KIRREL3: variants seen among roughly 807,000 people sequenced by gnomAD.
The protein encoded by KIRREL3 is kirre like nephrin family adhesion molecule 3, also known as kin of IRRE-like protein 3.
In KIRREL3, 36 loss-of-function variants were observed where a neutral mutation model predicts 89.7. The ratio of observed to expected loss-of-function variants is 0.40; its 90% CI spans 0.31 to 0.53. The LOEUF is 0.53. Among genes scored for constraint, KIRREL3 ranks in the 20% least tolerant of loss-of-function variants. KIRREL3 has a pLI of 0.49. For synonymous variants in KIRREL3, 445 were observed against 441.4 expected (o/e 1.01, Z -0.10); for missense variants, 864 against 1,056.6 (o/e 0.82, Z 2.53).
At chr11:126,967,333 T>C (rs1949300474) in intron 1 of KIRREL3, among the ~76,000 whole-genome samples, 1 of 152,120 alleles carries the variant, frequency 6.6e-6, no homozygotes, top group Admixed American at 6.5e-5. Flanking sequence ...CCTGGAACCT[T>C]AGAGAACAGG....
At position 126,527,878 on chromosome 11, in the gene KIRREL3, T is replaced by C. The variant is rs1359578617; in HGVS notation, c.134-1191A>G. Among the ~76,000 whole-genome samples, 1 of 152,142 alleles carries C rather than the reference T, an allele frequency of 6.6e-6. No homozygotes were observed. Among genetic ancestry groups the C allele is most frequent in the African/African-American group, 2.4e-5 (1 of 41,408 alleles). ...GGAGGGAGTTGCTGATGAAGAGGTG[T>C]GATGTGATCTGTGTCTCCTGGGAGT... On this transcript the variant is annotated intron_variant, in intron 2 of 16. Coordinates refer to ENST00000525144, the MANE Select transcript of KIRREL3 (RefSeq NM_032531.4). This position sits in a 1 kb window ranked among gnomAD's most constrained non-coding sequence, Gnocchi z 4.2.
At chr11:126,777,108 C>T (rs1461016250) in intron 1 of KIRREL3, among the ~76,000 whole-genome samples, 1 of 152,162 alleles carries the variant, frequency 6.6e-6, no homozygotes, top group African/African-American at 2.4e-5. Context: ...AAACTGGACC[C>T]ATCTTGCACA....
In KIRREL3 at chr11:126,601,687, C is replaced by T. The variant is rs1942661854; in HGVS notation, c.56-38775G>A. 6.6e-6 allele frequency among the ~76,000 whole-genome samples: 1 copy of T among 152,162 alleles called. No individual in the cohort carries two copies. Among genetic ancestry groups the T allele is most frequent in the Admixed American group, 6.5e-5 (1 of 15,286 alleles). ...GGCCCCCTCTGCCCACTTGCCGCCCCTCCTCCATTCTTCTCATGCATCCTG... is the reference window on the plus strand; with the variant it reads ...GGCCCCCTCTGCCCACTTGCCGCCCTTCCTCCATTCTTCTCATGCATCCTG... On this transcript the variant is annotated intron_variant, in intron 1 of 16. Transcript: ENST00000525144. This position sits in a 1 kb window ranked among gnomAD's most constrained non-coding sequence, Gnocchi z 5.8.
intron 2 of KIRREL3, among the ~76,000 whole-genome samples, chr11:126,539,715 G>C (rs1336938015): frequency 6.6e-6 from 1 of 152,140 alleles, no homozygotes; most frequent in Non-Finnish European, 1.5e-5. Flanking sequence ...GATGGAGAGG[G>C]GTCCAGAATC....
intron 4 of KIRREL3, among the ~76,000 whole-genome samples, chr11:126,497,305 C>T (rs766991050): frequency 5.3e-5 from 8 of 151,522 alleles, no homozygotes; most frequent in South Asian, 2.1e-4. Flanking sequence ...AGAGAGAGAG[C>T]GAGAGAGAGT....
rs1194223314 is a variant in KIRREL3, at chr11:126,490,005, GA to G, written c.434-16540del. ...TGGGGAAAATGAGACGTGTTGCTTG[GA>G]AGCAGCCCATGAGCTGCTTCGAGGA... On this transcript the variant is annotated intron_variant, in intron 4 of 16. Transcript: ENST00000525144. This position sits in a 1 kb window ranked among gnomAD's most constrained non-coding sequence, Gnocchi z 4.2. Among the ~76,000 whole-genome samples, 2 of 152,132 alleles carry G rather than the reference GA, an allele frequency of 1.3e-5. No individual in the cohort carries two copies. Among genetic ancestry groups the G allele is most frequent in the African/African-American group, 2.4e-5 (1 of 41,442 alleles).
At chr11:126,616,989 T>C (rs375618732) in intron 1 of KIRREL3, among the ~76,000 whole-genome samples, 157 of 152,350 alleles carry the variant, frequency 1.0e-3, no homozygotes, top group African/African-American at 3.7e-3. Flanking sequence ...CAGAGAGTCT[T>C]ACTTAAACAT....
chr11:126,433,557 G>A (rs1460428871), intron 13 of KIRREL3, among the ~76,000 whole-genome samples: 1 of 152,216 alleles, frequency 6.6e-6, no homozygotes, highest in Non-Finnish European at 1.5e-5. Flanking sequence ...GACAGGGAGG[G>A]GACCAAGAGG....
chr11:126,742,556 C>T lies in KIRREL3; in HGVS notation c.56-179644G>A, dbSNP rs1362522965. ...AAGAACAAGAGATTTTCCCATAAAG[C>T]TCCCCTCACCATGGGCATGAGGAAA... is the stretch of plus-strand genomic sequence containing the variant. On this transcript the variant is annotated intron_variant, in intron 1 of 16. Coordinates refer to ENST00000525144, the MANE Select transcript of KIRREL3 (RefSeq NM_032531.4). The surrounding 1 kb of genome is among the most constrained non-coding windows in gnomAD (Gnocchi z 5.3). 6.6e-6 allele frequency among the ~76,000 whole-genome samples: 1 copy of T among 152,194 alleles called. No individual in the cohort carries two copies. The highest frequency in any genetic ancestry group is 1.9e-4 in the East Asian group (1 of 5,198).
intron 2 of KIRREL3, among the ~76,000 whole-genome samples, chr11:126,548,660 C>T (rs963759876): frequency 4.6e-5 from 7 of 152,224 alleles, no homozygotes; most frequent in South Asian, 2.1e-4. Context: ...ACTACACTAG[C>T]GCTCTTGCTT....
intron 1 of KIRREL3, among the ~76,000 whole-genome samples, chr11:126,831,684 A>C (rs1228191753): frequency 6.6e-5 from 10 of 152,226 alleles, no homozygotes; most frequent in Non-Finnish European, 1.3e-4. Flanking sequence ...GGGGTCACTT[A>C]CAACAGAAAA....
chr11:126,633,568 A>T (rs895396023), intron 1 of KIRREL3, among the ~76,000 whole-genome samples: 9 of 152,014 alleles, frequency 5.9e-5, no homozygotes, highest in African/African-American at 2.2e-4. Context: ...TTGCTCTGTG[A>T]TCTGCACATC....
At chr11:126,815,009 TTTAGAGGA>T (rs1448033227) in intron 1 of KIRREL3, among the ~76,000 whole-genome samples, 3 of 152,140 alleles carry the variant, frequency 2.0e-5, no homozygotes, top group African/African-American at 7.2e-5. Flanking sequence ...GTACCCTAAA[TTTAGAGGA>T]TTCATCATTG....
chr11:126,989,875 T>C lies in KIRREL3; in HGVS notation c.55+10580A>G, dbSNP rs552381499. ...GTGGTGGTTTTTTATAATGGTGTTGTTGGAAATTAGTAATACCATCCAGAG... is the reference window on the plus strand; with the variant it reads ...GTGGTGGTTTTTTATAATGGTGTTGCTGGAAATTAGTAATACCATCCAGAG... On this transcript the variant is annotated intron_variant, in intron 1 of 16. Coordinates refer to ENST00000525144, the MANE Select transcript of KIRREL3 (RefSeq NM_032531.4). The surrounding 1 kb of genome is among the most constrained non-coding windows in gnomAD (Gnocchi z 6.2). Among the ~76,000 whole-genome samples, 1 of 152,342 alleles carries C rather than the reference T, an allele frequency of 6.6e-6. No individual in the cohort carries two copies. Among genetic ancestry groups the C allele is most frequent in the Non-Finnish European group, 1.5e-5 (1 of 68,040 alleles).
At chr11:126,846,118 G>T (rs777121675) in intron 1 of KIRREL3, among the ~76,000 whole-genome samples, 8 of 152,164 alleles carry the variant, frequency 5.3e-5, no homozygotes, top group Non-Finnish European at 1.0e-4. Context: ...GAGAGCTTTG[G>T]TGTGTAGTAA....
intron 2 of KIRREL3, among the ~76,000 whole-genome samples, chr11:126,540,927 T>C (rs1270329344): frequency 6.6e-6 from 1 of 152,194 alleles, no homozygotes; most frequent in Non-Finnish European, 1.5e-5. Flanking sequence ...GACTGGAATG[T>C]GCCCTCACTG....
Position 126,983,799 on chromosome 11 carries a change from G to T in KIRREL3, c.55+16656C>A, listed in dbSNP as rs887264716. ...CATTTGTGTTGTTTTAAGCCACTAC[G>T]TCTGTGGTAACATGTTAACAGCAGC... On this transcript the variant is annotated intron_variant, in intron 1 of 16. Transcript: ENST00000525144. The surrounding 1 kb of genome is among the most constrained non-coding windows in gnomAD (Gnocchi z 4.9). 6.6e-6 allele frequency among the ~76,000 whole-genome samples: 1 copy of T among 152,098 alleles called. No homozygotes were observed. Among genetic ancestry groups the T allele is most frequent in the Non-Finnish European group, 1.5e-5 (1 of 68,028 alleles).
rs375194590 is a variant in KIRREL3, at chr11:126,946,985, A to G, written c.55+53470T>C. Among the ~76,000 whole-genome samples, 1 of 152,308 alleles carries G rather than the reference A, an allele frequency of 6.6e-6. No individual in the cohort carries two copies. Among genetic ancestry groups the G allele is most frequent in the East Asian group, 1.9e-4 (1 of 5,176 alleles). On this transcript the variant is annotated intron_variant, in intron 1 of 16. Coordinates refer to ENST00000525144, the MANE Select transcript of KIRREL3 (RefSeq NM_032531.4). This position sits in a 1 kb window ranked among gnomAD's most constrained non-coding sequence, Gnocchi z 4.1. ...CTGCTTGCAAATGGCAGAAAGAACC[A>G]GAAATCTTATCCGCTAGGCTCTAGA... is the stretch of plus-strand genomic sequence containing the variant.
At chr11:126,672,930 C>T (rs567334417) in intron 1 of KIRREL3, among the ~76,000 whole-genome samples, 16 of 152,314 alleles carry the variant, frequency 1.1e-4, no homozygotes, top group African/African-American at 2.9e-4. Context: ...TTTCTTAAGC[C>T]GGTTTTCAGT....
Sources: allele counts gnomAD v4.1 joint callset (sites outside exome capture counted in the v4.1 genomes callset), GRCh38; gene constraint gnomAD v4.1.1; non-coding constraint Gnocchi (gnomAD v3.1); transcripts MANE v1.5; gene names NCBI Gene and HGNC (gene_info 2026-07-23, HGNC 2026-07-21).